Variants in VPS13C observed in about 807,000 individuals in gnomAD.
VPS13C encodes intermembrane lipid transfer protein VPS13C.
A neutral mutation model predicts 456.8 loss-of-function variants in VPS13C; 358 were observed. The ratio of observed to expected loss-of-function variants is 0.78; its 90% CI spans 0.72 to 0.86. The LOEUF is 0.86. VPS13C is among the 40% of genes least tolerant of loss of function. The pLI is 0.00. For synonymous variants in VPS13C, 1,578 were observed against 1,486.7 expected (o/e 1.06, Z -1.41); for missense variants, 4,818 against 4,385.4 (o/e 1.10, Z -2.79).
At chr15:61,945,311 T>C (rs1477367670) in intron 45 of VPS13C, among the ~76,000 whole-genome samples, 3 of 152,230 alleles carry the variant, frequency 2.0e-5, no homozygotes, top group Non-Finnish European at 4.4e-5. Context: ...AAGCATTTCA[T>C]GATGCTGTTG....
chr15:61,854,645 G>A, intron 84 of VPS13C, 87 bp from the exon 85 acceptor site: 1 of 1,396,596 alleles, frequency 7.2e-7, no homozygotes, highest in Middle Eastern at 1.9e-4. Flanking sequence ...AAGGGCTGAA[G>A]CTCTCCAAAC....
rs1185685565 is a variant in VPS13C at position 61,917,485 on chromosome 15, G to A, written c.7911C>T (p.Leu2637=). The A allele has an allele frequency of 6.2e-7, 1 of 1,614,050 alleles. No homozygotes were observed. Among genetic ancestry groups the A allele is most frequent in the Admixed American group, 1.7e-5 (1 of 60,016 alleles). ...CAGGCAGAGCAACTGTATTCACTATGAGAGGTAAGAAGCTGACTTCTACTG... is the reference window on the plus strand; with the variant it reads ...CAGGCAGAGCAACTGTATTCACTATAAGAGGTAAGAAGCTGACTTCTACTG... The part of the protein sequence containing the change: ...CPSVEVSFLP[L]IVNTVALPDE... Residue 2637 remains leucine, a synonymous_variant, in exon 60 of 85, where the codon CTC becomes CTT. Coordinates refer to ENST00000644861, the MANE Select transcript of VPS13C (RefSeq NM_020821.3).
chr15:61,865,715 TG>T (rs1894519865), intron 81 of VPS13C: 1 of 428,130 alleles, frequency 2.3e-6, no homozygotes, highest in Non-Finnish European at 3.1e-6. Flanking sequence ...TATGTATGTG[TG>T]TATATATGTG....
chr15:61,994,650 C>T (rs977401626), intron 16 of VPS13C, among the ~76,000 whole-genome samples: 19 of 151,396 alleles, frequency 1.3e-4, no homozygotes, highest in African/African-American at 4.6e-4. Flanking sequence ...AGTGCAATGG[C>T]ATGGTCTCGG....
Position 61,949,307 on chromosome 15 carries a change from T to C in VPS13C, c.4759+136A>G, listed in dbSNP as rs117239546. The C allele has an allele frequency of 3.0e-3, 2,934 of 993,420 alleles. 3 individuals carry two copies. Among genetic ancestry groups the C allele is most frequent in the Non-Finnish European group, 3.8e-3 (2,538 of 675,002 alleles). The allele number at this position is 993,420 out of a possible 1,614,324, so 61.5% of individuals were successfully genotyped here. A position where few individuals can be genotyped will look rare whatever the true frequency, so the allele number is the denominator to read the frequency against. ...GCTCTATAATCCCATAGAGATAACA[T>C]TTTCTTTCTCTTGAAACTAACCTAT... is the stretch of plus-strand genomic sequence containing the variant. On this transcript the variant is annotated intron_variant, in intron 42 of 84. Transcript: ENST00000644861.
intron 15 of VPS13C, among the ~76,000 whole-genome samples, chr15:62,002,623 G>C (rs951806616): frequency 2.0e-5 from 3 of 152,108 alleles, no homozygotes; most frequent in African/African-American, 7.2e-5. Context: ...GTAATGTCTA[G>C]GTTTTCTTCT....
Position 61,929,488 on chromosome 15 carries a change from A to G in VPS13C, c.6286+13T>C, listed in dbSNP as rs1261460793. 1.9e-6 allele frequency: 3 copies of G among 1,609,870 alleles called. No individual in the cohort carries two copies. The highest frequency in any genetic ancestry group is 4.5e-5 in the East Asian group (2 of 44,746). The stretch of plus-strand genomic sequence containing the variant: ...ATACAAGTTGTCATCTATGACAGAT[A>G]AATTCTGCTAACCTTTCTCTATCTT... On this transcript the variant is annotated intron_variant, in intron 51 of 84. Transcript: ENST00000644861.
At chr15:61,927,492 T>C (rs1445577798) in intron 51 of VPS13C, 172 bp from the exon 52 acceptor site, 2 of 593,830 alleles carry the variant, frequency 3.4e-6, no homozygotes, top group East Asian at 2.9e-5. Flanking sequence ...TATTAACAAA[T>C]GCAGATTGAG....
At chr15:61,951,386 CT>C (rs2044786328) in intron 39 of VPS13C, among the ~76,000 whole-genome samples, 1 of 152,000 alleles carries the variant, frequency 6.6e-6, no homozygotes, top group Non-Finnish European at 1.5e-5. Flanking sequence ...TTCTTATAAA[CT>C]TTAAACACTA....
At chr15:61,918,638 C>A in intron 58 of VPS13C, among the ~76,000 whole-genome samples, 1 of 151,850 alleles carries the variant, frequency 6.6e-6, no homozygotes, top group Non-Finnish European at 1.5e-5. Flanking sequence ...AAAAATAGTA[C>A]AATTCTTTTC....
intron 9 of VPS13C, among the ~76,000 whole-genome samples, chr15:62,016,155 A>C (rs1379919879): frequency 6.6e-6 from 1 of 151,166 alleles, no homozygotes; most frequent in Non-Finnish European, 1.5e-5. Flanking sequence ...CCAGTCTACC[A>C]CCCTACCATT....
chr15:61,866,890 A>G (rs1386989622), intron 81 of VPS13C: 1 of 982,604 alleles, frequency 1.0e-6, no homozygotes, highest in Admixed American at 6.2e-5. Context: ...TATACAACAC[A>G]TTAAATCTAA....
intron 72 of VPS13C, 45 bp downstream of exon 72, chr15:61,880,798 A>G (rs907829657): frequency 6.4e-7 from 1 of 1,558,688 alleles, no homozygotes; most frequent in Non-Finnish European, 8.7e-7. Flanking sequence ...GGCTGATTTA[A>G]ATTTTGTTAA....
chr15:62,009,991 C>T (rs1189913037), intron 13 of VPS13C, among the ~76,000 whole-genome samples: 2 of 151,866 alleles, frequency 1.3e-5, no homozygotes, highest in African/African-American at 4.8e-5. Flanking sequence ...ATCGAGACCA[C>T]CCTGGCTAAC....
chr15:62,021,197 G>A (rs2047449355), intron 8 of VPS13C, among the ~76,000 whole-genome samples: 1 of 151,790 alleles, frequency 6.6e-6, no homozygotes, highest in Non-Finnish European at 1.5e-5. Flanking sequence ...TGGGTACAAT[G>A]TATATTATGG....
At chr15:62,024,889 C>T (rs1175039667) in intron 6 of VPS13C, among the ~76,000 whole-genome samples, 1 of 152,178 alleles carries the variant, frequency 6.6e-6, no homozygotes, top group East Asian at 1.9e-4. Context: ...GTCACCCTCC[C>T]GGAAGTTCTT....
At chr15:61,965,221 C>T (rs977856281) in intron 30 of VPS13C, among the ~76,000 whole-genome samples, 8 of 151,710 alleles carry the variant, frequency 5.3e-5, no homozygotes, top group Non-Finnish European at 8.8e-5. Context: ...AGTCAAAAGG[C>T]GAAATCCCAG....
intron 14 of VPS13C, 84 bp downstream of exon 14, chr15:62,008,571 G>T: frequency 2.5e-6 from 2 of 806,884 alleles, no homozygotes; most frequent in Non-Finnish European, 3.6e-6. Context: ...GAATTACTTG[G>T]CTTTTAAAGG....
In VPS13C at chr15:61,920,124, G is replaced by T; in HGVS notation, c.7420C>A (p.Gln2474Lys). The T allele has an allele frequency of 6.2e-7, 1 of 1,613,348 alleles. No individual in the cohort carries two copies. Among genetic ancestry groups the T allele is most frequent in the South Asian group, 1.1e-5 (1 of 91,006 alleles). The change falls in exon 57 of 85, where the codon CAA (glutamine) becomes AAA (lysine). Residue 2474 changes from glutamine (Q) to lysine (K), a missense_variant. By Grantham distance (53) the Gln-to-Lys change is moderately conservative. This residue lies in a region of VPS13C where 4,552 missense variants were observed against 4,130.6 expected (regional missense o/e 1.10). Transcript: ENST00000644861. ...LEYASMVPSS[Q>K]GNLSILSRQE... ...CGGCTCAATATAGATAGGTTCCCTT[G>T]ACTTGAAGGTACCATGCTGGCATAC...
Sources: allele counts gnomAD v4.1 joint callset (sites outside exome capture counted in the v4.1 genomes callset), GRCh38; gene constraint gnomAD v4.1.1; regional missense constraint gnomAD v4.1.1; transcripts MANE v1.5; gene names NCBI Gene and HGNC (gene_info 2026-07-23, HGNC 2026-07-21).